PDE4B: variants seen among roughly 807,000 people sequenced by gnomAD.
The protein encoded by PDE4B is 3',5'-cyclic-AMP phosphodiesterase 4B.
A neutral mutation model predicts 82.2 loss-of-function variants in PDE4B; 20 were observed. The observed-to-expected ratio is 0.24, with a 90% CI of 0.17 to 0.35. PDE4B has a LOEUF of 0.35. Ranked by LOEUF, PDE4B falls within the 10% of genes least tolerant of loss-of-function variation. The pLI is 1.00. For synonymous variants in PDE4B, 320 were observed against 318.9 expected (o/e 1.00, Z -0.04); for missense variants, 655 against 907.2 (o/e 0.72, Z 3.57).
chr1:65,969,796 T>A (rs2489916), intron 3 of PDE4B, among the ~76,000 whole-genome samples: 149,225 of 152,190 alleles, frequency 0.98, 73,218 homozygotes, highest in Middle Eastern at 1. Context: ...TGTTTCTTTA[T>A]TTCTTTTTCC....
intron 3 of PDE4B, among the ~76,000 whole-genome samples, chr1:66,175,895 G>A (rs1197882349): frequency 1.3e-5 from 2 of 152,060 alleles, no homozygotes; most frequent in Admixed American, 6.5e-5. Flanking sequence ...CCTCAAATTT[G>A]GGACAGAAAA....
chr1:66,073,456 A>G (rs1467104912), intron 3 of PDE4B, among the ~76,000 whole-genome samples: 1 of 152,096 alleles, frequency 6.6e-6, no homozygotes, highest in Admixed American at 6.6e-5. Flanking sequence ...GATGACACGT[A>G]TGACTATAGA....
chr1:66,111,834 G>A (rs559465411), intron 3 of PDE4B, among the ~76,000 whole-genome samples: 5 of 151,928 alleles, frequency 3.3e-5, no homozygotes, highest in Non-Finnish European at 7.4e-5. Flanking sequence ...TGTCTTGTCT[G>A]GTTATGGTTT....
chr1:66,105,990 G>T lies in PDE4B; in HGVS notation c.282-141470G>T, dbSNP rs1223277620. On this transcript the variant is annotated intron_variant, in intron 3 of 16. Transcript: ENST00000341517. Reference sequence around the variant, plus strand: ...TCCAACACTATGTTGAATAGGAGTGGTGAGAGAGGGCATCCCTGTCTTGTG... The same window carrying T: ...TCCAACACTATGTTGAATAGGAGTGTTGAGAGAGGGCATCCCTGTCTTGTG... Among the ~76,000 whole-genome samples the T allele has an allele frequency of 2.0e-5, 3 of 152,070 alleles. No homozygotes were observed. In the East Asian group the frequency reaches 5.8e-4, roughly 29 times the overall value.
intron 3 of PDE4B, among the ~76,000 whole-genome samples, chr1:66,075,437 C>A (rs540147196): frequency 2.0e-5 from 3 of 152,046 alleles, no homozygotes; most frequent in South Asian, 4.2e-4. Flanking sequence ...AGTGAGATTT[C>A]CAGGTTTTAT....
chr1:66,317,257 C>G lies in PDE4B; in HGVS notation c.635-15251C>G, dbSNP rs528139934. On this transcript the variant is annotated intron_variant, in intron 7 of 16. Coordinates refer to ENST00000341517, the MANE Select transcript of PDE4B (RefSeq NM_002600.4). ...TCACATCCAGGGGTTCTTACTGAATCATCCAGAACCCCATAAATCACCTCA... is the reference window on the plus strand; with the variant it reads ...TCACATCCAGGGGTTCTTACTGAATGATCCAGAACCCCATAAATCACCTCA... Among the ~76,000 whole-genome samples the G allele has an allele frequency of 2.0e-5, 3 of 152,268 alleles. No individual in the cohort carries two copies. The South Asian group carries it at 6.2e-4, about 32-fold the overall frequency.
intron 3 of PDE4B, among the ~76,000 whole-genome samples, chr1:65,926,768 G>A (rs573011237): frequency 1.2e-3 from 166 of 143,774 alleles, no homozygotes; most frequent in African/African-American, 4.0e-3. Context: ...ATCCACGGAT[G>A]AGGATAAATA....
intron 3 of PDE4B, among the ~76,000 whole-genome samples, chr1:66,078,826 C>A (rs1656568430): frequency 6.6e-6 from 1 of 152,114 alleles, no homozygotes; most frequent in Non-Finnish European, 1.5e-5. Flanking sequence ...GAGGTTCTAG[C>A]AGGTGGGAAG....
At chr1:65,805,296 C>T (rs1645742702) in intron 1 of PDE4B, among the ~76,000 whole-genome samples, 1 of 152,116 alleles carries the variant, frequency 6.6e-6, no homozygotes, top group Admixed American at 6.5e-5. Flanking sequence ...ACATGGATTT[C>T]AAAGATGTCA....
chr1:66,115,527 C>A (rs1645577315), intron 3 of PDE4B, among the ~76,000 whole-genome samples: 1 of 152,190 alleles, frequency 6.6e-6, no homozygotes. Context: ...TGATCTTAAC[C>A]TTGCATAAAA....
intron 3 of PDE4B, among the ~76,000 whole-genome samples, chr1:66,241,950 C>T (rs1652925994): frequency 6.6e-6 from 1 of 152,168 alleles, no homozygotes; most frequent in African/African-American, 2.4e-5. Context: ...TCTTTGCATT[C>T]ATTTAACAAA....
At chr1:66,003,431 C>A (rs1272795567) in intron 3 of PDE4B, among the ~76,000 whole-genome samples, 2 of 151,962 alleles carry the variant, frequency 1.3e-5, no homozygotes, top group Non-Finnish European at 2.9e-5. Flanking sequence ...TCCACTTGTA[C>A]CAATAAGCTT....
intron 3 of PDE4B, among the ~76,000 whole-genome samples, chr1:65,919,777 G>T (rs1239371035): frequency 6.6e-6 from 1 of 152,062 alleles, no homozygotes; most frequent in Non-Finnish European, 1.5e-5. Flanking sequence ...AGCTCTCCAG[G>T]GCTGATGAGT....
At chr1:65,832,639 C>T (rs955460479) in intron 1 of PDE4B, among the ~76,000 whole-genome samples, 3 of 152,126 alleles carry the variant, frequency 2.0e-5, no homozygotes, top group Non-Finnish European at 2.9e-5. Context: ...ATGGAAAGTA[C>T]ATTGAGATTA....
chr1:66,310,015 C>T (rs950715794), intron 7 of PDE4B, among the ~76,000 whole-genome samples: 1 of 152,040 alleles, frequency 6.6e-6, no homozygotes, highest in East Asian at 1.9e-4. Context: ...AGGCTTGGAA[C>T]CTTGGTAGCT....
intron 7 of PDE4B, among the ~76,000 whole-genome samples, chr1:66,317,976 T>C (rs1659142456): frequency 6.6e-6 from 1 of 152,218 alleles, no homozygotes; most frequent in Admixed American, 6.5e-5. Flanking sequence ...AAAAAAAATG[T>C]TGAAGGACTC....
chr1:66,353,216 G>T (rs1661971035), intron 8 of PDE4B, among the ~76,000 whole-genome samples: 1 of 152,194 alleles, frequency 6.6e-6, no homozygotes. Flanking sequence ...TAGCTGAGAT[G>T]ATTGATTCAG....
At chr1:66,297,415 G>T (rs527245042) in intron 7 of PDE4B, among the ~76,000 whole-genome samples, 1 of 151,842 alleles carries the variant, frequency 6.6e-6, no homozygotes, top group East Asian at 1.9e-4. Context: ...ACATCCCTAC[G>T]TACTATATTT....
At chr1:66,243,977 A>C (rs1167467456) in intron 3 of PDE4B, among the ~76,000 whole-genome samples, 1 of 152,256 alleles carries the variant, frequency 6.6e-6, no homozygotes. Flanking sequence ...TCAAATATTC[A>C]GAAACTTGTG....
Sources: gnomAD v4.1 joint callset for allele counts (sites outside exome capture counted in the v4.1 genomes callset) on GRCh38, gnomAD v4.1.1 for gene constraint, MANE v1.5 for transcripts, NCBI Gene and HGNC (gene_info 2026-07-23, HGNC 2026-07-21) for gene names.